TEAD1: variants seen among roughly 807,000 people sequenced by gnomAD.
The protein encoded by TEAD1 is TEA domain transcription factor 1, also known as transcriptional enhancer factor TEF-1.
TEAD1 carries 9 observed loss-of-function variants against 54.9 expected under a neutral mutation model. That is an observed-to-expected ratio of 0.16 (90% confidence interval 0.10 to 0.29). The LOEUF is 0.29. Ranked by LOEUF, TEAD1 falls within the 10% of genes least tolerant of loss-of-function variation. The pLI is 1.00. For missense variants in TEAD1, 387 were observed against 535.9 expected, an observed-to-expected ratio of 0.72 and a Z score of 2.74; for synonymous variants, 200 against 187.8, an observed-to-expected ratio of 1.07 and a Z score of -0.53.
intron 3 of TEAD1, among the ~76,000 whole-genome samples, chr11:12,855,332 C>G (rs1489295925): frequency 6.6e-6 from 1 of 151,894 alleles, no homozygotes; most frequent in Admixed American, 6.6e-5. Context: ...GCTCTGTCAT[C>G]AGGCTAGAGT....
At chr11:12,861,695 G>C (rs1947506898) in intron 3 of TEAD1, among the ~76,000 whole-genome samples, 1 of 152,188 alleles carries the variant, frequency 6.6e-6, no homozygotes, top group South Asian at 2.1e-4. Context: ...ATCTTAAAAA[G>C]ATAAATTTCA....
intron 10 of TEAD1, among the ~76,000 whole-genome samples, chr11:12,918,203 T>C (rs1948747955): frequency 6.6e-6 from 1 of 152,124 alleles, no homozygotes; most frequent in South Asian, 2.1e-4. Context: ...TTCTTTGTTG[T>C]TGACTTAATG....
intron 2 of TEAD1, among the ~76,000 whole-genome samples, chr11:12,724,776 C>A (rs1944282075): frequency 6.6e-6 from 1 of 152,178 alleles, no homozygotes. Flanking sequence ...TCCCTGCCCT[C>A]TCCTCCTCGC....
intron 2 of TEAD1, among the ~76,000 whole-genome samples, chr11:12,700,647 C>A (rs955753737): frequency 1.3e-5 from 2 of 152,094 alleles, no homozygotes; most frequent in Non-Finnish European, 2.9e-5. Context: ...CTTCTTAACT[C>A]TCATTTATTT....
chr11:12,776,158 G>A (rs1458640230), intron 3 of TEAD1, among the ~76,000 whole-genome samples: 1 of 152,186 alleles, frequency 6.6e-6, no homozygotes, highest in African/African-American at 2.4e-5. Context: ...ATAGGTTTTA[G>A]GACATTGGTC....
At chr11:12,887,192 G>A (rs1457174866) in intron 9 of TEAD1, among the ~76,000 whole-genome samples, 1 of 150,810 alleles carries the variant, frequency 6.6e-6, no homozygotes, top group African/African-American at 2.4e-5. Context: ...CGCCTCCCAG[G>A]TTCACTCCAT....
chr11:12,827,175 G>A (rs1271305201), intron 3 of TEAD1, among the ~76,000 whole-genome samples: 1 of 152,230 alleles, frequency 6.6e-6, no homozygotes, highest in East Asian at 1.9e-4. Context: ...GTAATTATCA[G>A]CAGTGGACTA....
At chr11:12,906,248 A>G (rs745804151) in intron 10 of TEAD1, among the ~76,000 whole-genome samples, 35 of 152,276 alleles carry the variant, frequency 2.3e-4, no homozygotes, top group South Asian at 1.0e-3. Context: ...CTCATGTTAA[A>G]TGTACAATTT....
At chr11:12,821,473 T>C (rs982318942) in intron 3 of TEAD1, among the ~76,000 whole-genome samples, 1 of 152,238 alleles carries the variant, frequency 6.6e-6, no homozygotes, top group South Asian at 2.1e-4. Flanking sequence ...TGTATCATAA[T>C]GTGGACATGG....
At chr11:12,874,577 G>C (rs771221898) in intron 5 of TEAD1, among the ~76,000 whole-genome samples, 1 of 152,208 alleles carries the variant, frequency 6.6e-6, no homozygotes, top group Non-Finnish European at 1.5e-5. Flanking sequence ...AGGCTGAGGA[G>C]TTTATGCATG....
At chr11:12,725,047 T>A (rs1944287036) in intron 2 of TEAD1, among the ~76,000 whole-genome samples, 2 of 152,276 alleles carry the variant, frequency 1.3e-5, no homozygotes, top group African/African-American at 4.8e-5. Flanking sequence ...CTGGGCTTGG[T>A]GGTGGCTGTG....
chr11:12,682,083 C>A (rs150511908), intron 2 of TEAD1, among the ~76,000 whole-genome samples: 4 of 152,192 alleles, frequency 2.6e-5, no homozygotes, highest in Non-Finnish European at 5.9e-5. Flanking sequence ...AACATCCGCT[C>A]CTGGCTGGGA....
rs1564917635 is a variant in TEAD1, at chr11:12,719,972, TTTTTTTTTTTTTTTTTTTTTTTG to T, written c.-54-44206_-54-44184del. 1.6e-3 allele frequency among the ~76,000 whole-genome samples: 103 copies of T among 65,540 alleles called. 6 individuals carry two copies. Among genetic ancestry groups the T allele is most frequent in the South Asian group, 4.6e-3 (8 of 1,740 alleles). The allele number at this position is 65,540 out of a possible 152,430, so 43.0% of individuals were successfully genotyped here. On this transcript the variant is annotated intron_variant, in intron 2 of 12. Transcript: ENST00000527636. ...ATGTTTTTTTTTTTTTTTTTTTTTT[TTTTTTTTTTTTTTTTTTTTTTTG>T]GGGGGGGACCCAGCCATGCTGTGTC...
chr11:12,894,287 G>A (rs776389951), intron 9 of TEAD1, among the ~76,000 whole-genome samples: 5 of 152,064 alleles, frequency 3.3e-5, no homozygotes, highest in Admixed American at 1.3e-4. Flanking sequence ...TGCAGGACCC[G>A]GTGTGTCTGA....
chr11:12,927,428 A>G (rs975188068), intron 11 of TEAD1, among the ~76,000 whole-genome samples: 1 of 152,168 alleles, frequency 6.6e-6, no homozygotes, highest in Non-Finnish European at 1.5e-5. Context: ...TCCCAGTACC[A>G]TGTGGATTTG....
At position 12,786,061 on chromosome 11, in the gene TEAD1, T is replaced by G. The variant is rs145665651; in HGVS notation, c.202+21627T>G. ...TGGAGGTGGAGGGGAGCCAAGGCCC[T>G]GGGCTCCTGACAGGTGTGTGACGGA... is the stretch of plus-strand genomic sequence containing the variant. On this transcript the variant is annotated intron_variant, in intron 3 of 12. Coordinates refer to ENST00000527636, the MANE Select transcript of TEAD1 (RefSeq NM_021961.6). 8.4e-3 allele frequency among the ~76,000 whole-genome samples: 1,279 copies of G among 152,284 alleles called. 21 individuals are homozygous for G. Among genetic ancestry groups the G allele is most frequent in the African/African-American group, 0.029 (1,222 of 41,564 alleles).
At chr11:12,849,650 A>G (rs1947227719) in intron 3 of TEAD1, among the ~76,000 whole-genome samples, 1 of 152,206 alleles carries the variant, frequency 6.6e-6, no homozygotes, top group Non-Finnish European at 1.5e-5. Flanking sequence ...TTCTGGTGAT[A>G]GTTGTTTTTA....
chr11:12,839,697 C>T (rs1946983284), intron 3 of TEAD1, among the ~76,000 whole-genome samples: 1 of 152,048 alleles, frequency 6.6e-6, no homozygotes, highest in African/African-American at 2.4e-5. Context: ...GTAAGGAGCA[C>T]GACCAGGGAA....
At position 12,864,827 on chromosome 11, in the gene TEAD1, C is replaced by A. The variant is rs1170139888; in HGVS notation, c.268-11C>A. 1.2e-6 allele frequency: 2 copies of A among 1,613,932 alleles called. No individual in the cohort carries two copies. Among genetic ancestry groups the A allele is most frequent in the Non-Finnish European group, 1.7e-6 (2 of 1,179,984 alleles). On this transcript the variant is annotated splice_polypyrimidine_tract_variant and intron_variant, in intron 4 of 12. Transcript: ENST00000527636. ...TTTTCCTTTGTTTTCCTCCCTTCCC[C>A]TACCCTGCAGGTGTCTAGTCACATT...
Sources: gnomAD v4.1 joint callset for allele counts (sites outside exome capture counted in the v4.1 genomes callset) on GRCh38, gnomAD v4.1.1 for gene constraint, MANE v1.5 for transcripts, NCBI Gene and HGNC (gene_info 2026-07-23, HGNC 2026-07-21) for gene names.